MTO1: variants seen among roughly 807,000 people sequenced by gnomAD.
The protein encoded by MTO1 is 5-taurinomethyluridine-[tRNA] synthase subunit MTO1, mitochondrial.
MTO1 carries 46 observed loss-of-function variants against 71.6 expected under a neutral mutation model. That is an observed-to-expected ratio of 0.64 (90% CI 0.51 to 0.82). The LOEUF (loss-of-function observed/expected upper bound fraction) is 0.82, where lower values mean the gene tolerates loss of function less well. Among genes scored for constraint, MTO1 ranks in the 40% least tolerant of loss-of-function variants. The pLI is 0.00. For missense variants in MTO1, 773 were observed against 867.5 expected (o/e 0.89, Z 1.37); for synonymous variants, 297 against 312.1 (o/e 0.95, Z 0.51).
At chr6:73,477,183 G>T (rs1561944153) in intron 4 of MTO1, among the ~76,000 whole-genome samples, 1 of 151,366 alleles carries the variant, frequency 6.6e-6, no homozygotes, top group African/African-American at 2.4e-5. Flanking sequence ...ATCACTTGAG[G>T]TCAGGAGTTC....
intron 9 of MTO1, among the ~76,000 whole-genome samples, chr6:73,491,531 A>G (rs1041761212): frequency 9.2e-5 from 14 of 152,238 alleles, no homozygotes; most frequent in Non-Finnish European, 1.8e-4. Flanking sequence ...AGTAAAAGAA[A>G]GCAGGAGATC....
chr6:73,490,758 A>G (rs2150041582), intron 9 of MTO1, among the ~76,000 whole-genome samples: 1 of 151,970 alleles, frequency 6.6e-6, no homozygotes, highest in South Asian at 2.1e-4. Flanking sequence ...CCTTCTAAGT[A>G]AATTACAGCA....
chr6:73,495,900 T>C (rs562306844), intron 10 of MTO1, among the ~76,000 whole-genome samples: 1 of 152,310 alleles, frequency 6.6e-6, no homozygotes, highest in Admixed American at 6.5e-5. Context: ...AGAACTGCCC[T>C]GTGAAGGGCA....
intron 3 of MTO1, among the ~76,000 whole-genome samples, chr6:73,467,614 A>AAAATAAATAAATAAAT (rs70996806): frequency 0.056 from 7,966 of 143,454 alleles, 278 homozygotes; most frequent in Middle Eastern, 0.081. Context: ...ACTCTGTCTC[A>AAAATAAATAAATAAAT]AAATAAATAA....
rs534617977 is a variant in MTO1, at chr6:73,506,871, T to C, written c.*6136T>C. ...ACCCGGCTAATTTTTGTATTTTTAGTAGAGACAGAGTTTCACCATGTTGGC... is the reference window on the plus strand; with the variant it reads ...ACCCGGCTAATTTTTGTATTTTTAGCAGAGACAGAGTTTCACCATGTTGGC... On this transcript the variant is annotated 3_prime_UTR_variant, in exon 12 of 12. Transcript: ENST00000498286. 4.1e-5 allele frequency: 6 copies of C among 147,220 alleles called. No individual in the cohort carries two copies. The highest frequency in any genetic ancestry group is 1.5e-4 in the African/African-American group (6 of 39,908). 9.1% of individuals were successfully genotyped at this position (147,220 alleles called of 1,614,324 possible).
intron 1 of MTO1, chr6:73,463,930 G>C (rs1770900917): frequency 6.6e-6 from 1 of 151,896 alleles, no homozygotes; most frequent in East Asian, 1.9e-4. Context: ...TAGTAGAGAT[G>C]GGGTTTCATC....
Position 73,473,406 on chromosome 6 carries a change from A to G in MTO1, c.577A>G (p.Thr193Ala). ...ATATGCAGAGAGTGTGATTCTGACT[A>G]CTGGGACATTTCTGAGAGGCATGAT... ...TVYAESVILT[T>A]GTFLRGMIVI... is the part of the protein sequence containing the mutation. Residue 193 changes from threonine to alanine, a missense_variant, in exon 4 of 12, where the codon ACT becomes GCT. By Grantham distance (58) the Thr-to-Ala change is moderately conservative. Transcript: ENST00000498286. 1 of 1,614,170 alleles carries G rather than the reference A, an allele frequency of 6.2e-7. No individual in the cohort carries two copies. The highest frequency in any genetic ancestry group is 2.2e-5 in the East Asian group (1 of 44,890).
In MTO1 at chr6:73,488,754, C is replaced by CA. The variant is rs879380192; in HGVS notation, c.1638-3466dup. ...CAAAACCCCATCTCTACCAAAAATA[C>CA]AAAAAAAAAAAAAATTAGCCACGCA... On this transcript the variant is annotated intron_variant, in intron 9 of 11. Coordinates refer to ENST00000498286, the MANE Select transcript of MTO1 (RefSeq NM_012123.4). 9.7e-4 allele frequency among the ~76,000 whole-genome samples: 129 copies of CA among 133,420 alleles called. 1 individual carries two copies. The highest frequency in any genetic ancestry group is 1.3e-3 in the African/African-American group (48 of 36,534). 87.5% of individuals were successfully genotyped at this position (133,420 alleles called of 152,430 possible). A position where few individuals can be genotyped will look rare whatever the true frequency, so the allele number is the denominator to read the frequency against.
chr6:73,494,479 C>CTT (rs757447983), intron 10 of MTO1, among the ~76,000 whole-genome samples: 53 of 136,186 alleles, frequency 3.9e-4, no homozygotes, highest in African/African-American at 1.2e-3. Flanking sequence ...CTTTTTTTTT[C>CTT]TTTTTTTTTT....
intron 4 of MTO1, among the ~76,000 whole-genome samples, chr6:73,474,715 T>C (rs1249447183): frequency 6.6e-6 from 1 of 152,010 alleles, no homozygotes; most frequent in Non-Finnish European, 1.5e-5. Context: ...CCCAAAGTGC[T>C]GGTGCTGGGA....
chr6:73,480,431 C>T (rs923634539), intron 6 of MTO1: 15 of 598,830 alleles, frequency 2.5e-5, no homozygotes, highest in Middle Eastern at 4.6e-4. Flanking sequence ...TCACCATGCC[C>T]GGCTAATTTT....
chr6:73,472,523 A>G (rs1238401785), intron 3 of MTO1, among the ~76,000 whole-genome samples: 1 of 152,214 alleles, frequency 6.6e-6, no homozygotes, highest in African/African-American at 2.4e-5. Flanking sequence ...GATTGATAAC[A>G]TATTAGCCTT....
intron 3 of MTO1, among the ~76,000 whole-genome samples, chr6:73,468,254 G>T (rs1364218823): frequency 6.6e-6 from 1 of 151,034 alleles, no homozygotes; most frequent in Non-Finnish European, 1.5e-5. Context: ...AGTAGCTGGG[G>T]TTACAGGCGA....
chr6:73,465,877 G>A (rs1770971852), intron 1 of MTO1, among the ~76,000 whole-genome samples: 1 of 152,022 alleles, frequency 6.6e-6, no homozygotes, highest in Admixed American at 6.6e-5. Flanking sequence ...CCGGCTACTC[G>A]GGATGCTGAG....
chr6:73,494,954 AT>A (rs547552476), intron 10 of MTO1, among the ~76,000 whole-genome samples: 2 of 146,122 alleles, frequency 1.4e-5, no homozygotes, highest in Non-Finnish European at 3.0e-5. Context: ...TAATTTTTGT[AT>A]TTTTTTTAGT....
chr6:73,462,008 GCCA>G lies in MTO1; in HGVS notation c.157_159del (p.Thr53del), dbSNP rs772125455. On this transcript the variant is annotated inframe_deletion, in exon 1 of 12. Coordinates refer to ENST00000498286, the MANE Select transcript of MTO1 (RefSeq NM_012123.4). The stretch of plus-strand genomic sequence containing the variant: ...TGGAGGACATGCCGGGACTGAGGCA[GCCA>G]CCGCCGCCGCTCGGTGCGGCTCTCG... 2.5e-6 allele frequency: 4 copies of G among 1,613,476 alleles called. No individual in the cohort carries two copies. Among genetic ancestry groups the G allele is most frequent in the Non-Finnish European group, 3.4e-6 (4 of 1,179,886 alleles).
At chr6:73,470,918 A>T (rs534510634) in intron 3 of MTO1, among the ~76,000 whole-genome samples, 122 of 152,078 alleles carry the variant, frequency 8.0e-4, no homozygotes, top group African/African-American at 2.9e-3. Flanking sequence ...TTGCTACTGC[A>T]CTCCAGCCTG....
intron 1 of MTO1, among the ~76,000 whole-genome samples, chr6:73,462,615 G>A (rs574070003): frequency 1.3e-5 from 2 of 152,172 alleles, no homozygotes; most frequent in East Asian, 3.9e-4. Flanking sequence ...TATAATCCCA[G>A]CTACTCGGGA....
In MTO1 at chr6:73,507,926, G is replaced by C. The variant is rs1033048111; in HGVS notation, c.*7191G>C. 6.7e-6 allele frequency: 1 copy of C among 148,882 alleles called. No homozygotes were observed. Among genetic ancestry groups the C allele is most frequent in the Non-Finnish European group, 1.5e-5 (1 of 67,808 alleles). The allele number at this position is 148,882 out of a possible 1,614,324, so 9.2% of individuals were successfully genotyped here. A position where few individuals can be genotyped will look rare whatever the true frequency, so the allele number is the denominator to read the frequency against. ...CAGGAGGCGGAGCTTGCAATGAGCC[G>C]AGATCGCGCCACTGCACTCTAGCCT... On this transcript the variant is annotated 3_prime_UTR_variant, in exon 12 of 12. Transcript: ENST00000498286.
Sources: gnomAD v4.1 joint callset for allele counts (sites outside exome capture counted in the v4.1 genomes callset) on GRCh38, gnomAD v4.1.1 for gene constraint, MANE v1.5 for transcripts, NCBI Gene and HGNC (gene_info 2026-07-23, HGNC 2026-07-21) for gene names.